Variants in ZNHIT6 observed in about 807,000 individuals in gnomAD.
ZNHIT6 encodes the protein box C/D snoRNA protein 1.
A neutral mutation model predicts 57.2 loss-of-function variants in ZNHIT6; 45 were observed. The ratio of observed to expected loss-of-function variants is 0.79; its 90% CI spans 0.62 to 1.01. The LOEUF (loss-of-function observed/expected upper bound fraction) is 1.01, where lower values mean the gene tolerates loss of function less well. Ranked by LOEUF, ZNHIT6 falls within the 50% of genes least tolerant of loss-of-function variation. ZNHIT6 has a pLI of 0.00. For missense variants in ZNHIT6, 528 were observed against 567.3 expected (o/e 0.93, Z 0.70); for synonymous variants, 188 against 190.0 (o/e 0.99, Z 0.09).
Position 85,708,280 on chromosome 1 carries a change from T to TC in ZNHIT6, c.4dup (p.Glu2GlyfsTer5), listed in dbSNP as rs1464941524. The TC allele has an allele frequency of 1.3e-6, 2 of 1,596,382 alleles. No individual in the cohort carries two copies. The highest frequency in any genetic ancestry group is 3.4e-5 in the Admixed American group (2 of 59,544). ...CTTCCCTTCATTTTCAGCAGCAAAC[T>TC]CCATCAACTCACGATCCTTGGCCTC... On this transcript the variant is annotated frameshift_variant, in exon 1 of 10. Coordinates refer to ENST00000370574, the MANE Select transcript of ZNHIT6 (RefSeq NM_017953.4). LOFTEE classifies it high-confidence loss of function.
At position 85,701,941 on chromosome 1, in the gene ZNHIT6, G is replaced by GAC. The variant is rs3059888; in HGVS notation, c.1019+214_1019+215dup. Among the ~76,000 whole-genome samples, 49 of 150,402 alleles carry GAC rather than the reference G, an allele frequency of 3.3e-4. 1 individual carries two copies. The highest frequency in any genetic ancestry group is 3.4e-3 in the Middle Eastern group (1 of 290). ...TGAGAAGCTTCTCAAATGATATGAA[G>GAC]ACACACACACACACACACACACACG... is the stretch of plus-strand genomic sequence containing the variant. On this transcript the variant is annotated intron_variant, in intron 5 of 9. Transcript: ENST00000370574.
chr1:85,659,558 G>C (rs939375390), intron 8 of ZNHIT6, among the ~76,000 whole-genome samples: 2 of 152,228 alleles, frequency 1.3e-5, no homozygotes, highest in African/African-American at 4.8e-5. Context: ...GTGATCAAGA[G>C]TGAGGTTATC....
At chr1:85,706,414 G>A (rs1317162394) in intron 2 of ZNHIT6, 28 bp downstream of exon 2, 2 of 1,613,236 alleles carry the variant, frequency 1.2e-6, no homozygotes, top group Non-Finnish European at 1.7e-6. Context: ...ACAGATACAG[G>A]TTAAAAGGTA....
Position 85,702,892 on chromosome 1 carries a change from G to A in ZNHIT6, c.916-632C>T, listed in dbSNP as rs148517065. ...CAGAGTTATGAAGGAAGTAATACCA[G>A]ATTTTTATTAAGTCAAGGAAGAAGA... On this transcript the variant is annotated intron_variant, in intron 4 of 9. Transcript: ENST00000370574. Among the ~76,000 whole-genome samples the A allele has an allele frequency of 3.4e-3, 513 of 152,266 alleles. 2 individuals are homozygous for A. The highest frequency in any genetic ancestry group is 0.011 in the African/African-American group (439 of 41,550).
At chr1:85,702,061 C>T in intron 5 of ZNHIT6, 96 bp downstream of exon 5, 1 of 735,032 alleles carries the variant, frequency 1.4e-6, no homozygotes, top group South Asian at 1.9e-5. Context: ...TTTACAGAAC[C>T]ACACTTGGGG....
intron 8 of ZNHIT6, among the ~76,000 whole-genome samples, chr1:85,666,218 G>A (rs1434281868): frequency 6.6e-6 from 1 of 152,182 alleles, no homozygotes; most frequent in East Asian, 1.9e-4. Flanking sequence ...ATGGAACTGG[G>A]TAGAGAGCGG....
chr1:85,704,378 T>A (rs2785082), intron 4 of ZNHIT6, among the ~76,000 whole-genome samples: 116,727 of 151,862 alleles, frequency 0.77, 46,125 homozygotes, highest in East Asian at 0.94. Flanking sequence ...CAAAATCCAT[T>A]AAAAAAATGC....
chr1:85,675,268 T>C (rs550066009), intron 8 of ZNHIT6, among the ~76,000 whole-genome samples: 35 of 152,326 alleles, frequency 2.3e-4, no homozygotes, highest in African/African-American at 8.4e-4. Flanking sequence ...TATGCTTAAA[T>C]GAAACTCACA....
At chr1:85,675,830 C>T (rs556982207) in intron 8 of ZNHIT6, among the ~76,000 whole-genome samples, 1 of 152,170 alleles carries the variant, frequency 6.6e-6, no homozygotes, top group African/African-American at 2.4e-5. Flanking sequence ...CCACACATAA[C>T]CCACAGGTTA....
chr1:85,667,086 AT>A (rs1439094196), intron 8 of ZNHIT6, among the ~76,000 whole-genome samples: 1 of 152,224 alleles, frequency 6.6e-6, no homozygotes, highest in Non-Finnish European at 1.5e-5. Flanking sequence ...CATTATGATT[AT>A]TTATGGTGCT....
chr1:85,670,880 C>T (rs541864125), intron 8 of ZNHIT6, among the ~76,000 whole-genome samples: 47 of 152,268 alleles, frequency 3.1e-4, no homozygotes, highest in African/African-American at 1.1e-3. Flanking sequence ...GCCTGGCTTA[C>T]TAGAACAACA....
At chr1:85,668,916 T>C (rs562268000) in intron 8 of ZNHIT6, among the ~76,000 whole-genome samples, 2 of 152,268 alleles carry the variant, frequency 1.3e-5, no homozygotes, top group African/African-American at 4.8e-5. Flanking sequence ...TTTACCAACC[T>C]GGCCAGTGTT....
chr1:85,705,620 C>G (rs540228058), intron 4 of ZNHIT6, among the ~76,000 whole-genome samples: 1 of 152,190 alleles, frequency 6.6e-6, no homozygotes. Flanking sequence ...ATCCTTGTTT[C>G]TGACTCAGGT....
chr1:85,668,699 C>A (rs1223780058), intron 8 of ZNHIT6, among the ~76,000 whole-genome samples: 1 of 152,108 alleles, frequency 6.6e-6, no homozygotes, highest in Non-Finnish European at 1.5e-5. Context: ...AAGTCTAAAA[C>A]AAAGTCATCT....
rs1660884706 is a variant in ZNHIT6 at position 85,650,852 on chromosome 1, G to C, written c.*3206C>G. 1 of 152,146 alleles carries C rather than the reference G, an allele frequency of 6.6e-6. No individual in the cohort carries two copies. The highest frequency in any genetic ancestry group is 6.5e-5 in the Admixed American group (1 of 15,274). The allele number at this position is 152,146 out of a possible 1,614,324, so 9.4% of individuals were successfully genotyped here. A position where few individuals can be genotyped will look rare whatever the true frequency, so the allele number is the denominator to read the frequency against. The stretch of plus-strand genomic sequence containing the variant: ...GAGAACTCACTCACCCCAGTAGGAG[G>C]GCATTAGTTTATTCATGTGGGATCT... On this transcript the variant is annotated 3_prime_UTR_variant, in exon 10 of 10. Coordinates refer to ENST00000370574, the MANE Select transcript of ZNHIT6 (RefSeq NM_017953.4).
chr1:85,699,968 T>A (rs183581484), intron 5 of ZNHIT6, among the ~76,000 whole-genome samples: 1 of 152,182 alleles, frequency 6.6e-6, no homozygotes, highest in East Asian at 1.9e-4. Flanking sequence ...AAAAAGGAGG[T>A]GCATTTATTC....
At chr1:85,686,971 T>C (rs1662058688) in intron 5 of ZNHIT6, among the ~76,000 whole-genome samples, 1 of 151,852 alleles carries the variant, frequency 6.6e-6, no homozygotes, top group Admixed American at 6.6e-5. Context: ...GAATAAATAA[T>C]ATATCAAGAG....
chr1:85,706,864 A>C (rs1187039485), intron 1 of ZNHIT6, among the ~76,000 whole-genome samples: 1 of 152,214 alleles, frequency 6.6e-6, no homozygotes, highest in African/African-American at 2.4e-5. Context: ...CCAATTCATG[A>C]GCTATGTTTA....
intron 5 of ZNHIT6, among the ~76,000 whole-genome samples, chr1:85,682,348 A>G (rs1661905470): frequency 6.6e-6 from 1 of 151,928 alleles, no homozygotes; most frequent in South Asian, 2.1e-4. Flanking sequence ...TTAATGCATA[A>G]TATAGTTTCT....
Sources: allele counts gnomAD v4.1 joint callset (sites outside exome capture counted in the v4.1 genomes callset), GRCh38; gene constraint gnomAD v4.1.1; transcripts MANE v1.5; gene names NCBI Gene and HGNC (gene_info 2026-07-23, HGNC 2026-07-21).